BRPF3: variants seen among roughly 807,000 people sequenced by gnomAD.
BRPF3 encodes bromodomain and PHD finger containing 3.
In BRPF3, 18 loss-of-function variants were observed where a neutral mutation model predicts 102.0. The observed-to-expected ratio is 0.18, with a 90% CI of 0.12 to 0.26. BRPF3 has a LOEUF of 0.26. Ranked by LOEUF, BRPF3 falls within the 10% of genes least tolerant of loss-of-function variation. BRPF3 has a pLI of 1.00. For synonymous variants in BRPF3, 570 were observed against 614.2 expected, an observed-to-expected ratio of 0.93 and a Z score of 1.06; for missense variants, 1,147 against 1,567.8, an observed-to-expected ratio of 0.73 and a Z score of 4.53.
intron 4 of BRPF3, among the ~76,000 whole-genome samples, chr6:36,207,905 A>G (rs896361612): frequency 2.6e-5 from 4 of 152,228 alleles, no homozygotes; most frequent in Non-Finnish European, 5.9e-5. Context: ...GCCCTTGAGC[A>G]TAGGAAATGT....
Position 36,214,362 on chromosome 6 carries a change from T to TC in BRPF3, c.2971dup (p.Gln991ProfsTer21), listed in dbSNP as rs1303912265. On this transcript the variant is annotated frameshift_variant, in exon 8 of 13. Transcript: ENST00000357641. LOFTEE classifies it high-confidence loss of function. ...CTGTAGTGAGAGCGAAGGGGAGAGG[T>TC]CCCCCCAGCAGGAGGAAGAGACAGG... 6.3e-7 allele frequency: 1 copy of TC among 1,594,018 alleles called. No homozygotes were observed. Among genetic ancestry groups the TC allele is most frequent in the Admixed American group, 1.7e-5 (1 of 57,896 alleles).
intron 4 of BRPF3, 31 bp from the exon 5 acceptor site, chr6:36,209,756 C>T (rs1172649331): frequency 1.2e-6 from 2 of 1,605,850 alleles, no homozygotes; most frequent in South Asian, 2.2e-5. Flanking sequence ...AGGGGATGTT[C>T]TGATCTGATC....
chr6:36,213,569 G>C (rs1462336101), intron 7 of BRPF3, among the ~76,000 whole-genome samples: 1 of 152,058 alleles, frequency 6.6e-6, no homozygotes, highest in Non-Finnish European at 1.5e-5. Flanking sequence ...CAAGTGTGGT[G>C]GTGTGTGCTT....
rs1188462793 is a variant in BRPF3 at position 36,207,443 on chromosome 6, A to G, written c.1736A>G (p.Gln579Arg). 6.2e-7 allele frequency: 1 copy of G among 1,613,948 alleles called. No homozygotes were observed. Among genetic ancestry groups the G allele is most frequent in the Non-Finnish European group, 8.5e-7 (1 of 1,179,878 alleles). ...AAGAGAGAGAAGCTCAAACGAGAGC[A>G]GGTAAGGAGGAGCCCCCAGCCCTAG... Reference protein sequence around the residue: ...IRKREKLKREQVKVQQAAMEL... With the variant: ...IRKREKLKRERVKVQQAAMEL... The change falls in exon 4 of 13, where the codon CAG becomes CGG. Residue 579 changes from glutamine to arginine, a missense_variant and splice_region_variant. By Grantham distance (43) the Gln-to-Arg change is conservative (BLOSUM62 1). Coordinates refer to ENST00000357641, the MANE Select transcript of BRPF3 (RefSeq NM_015695.3).
chr6:36,226,830 C>T (rs1768756362), intron 11 of BRPF3, among the ~76,000 whole-genome samples: 1 of 152,262 alleles, frequency 6.6e-6, no homozygotes, highest in African/African-American at 2.4e-5. Context: ...AAAATCCATA[C>T]TGTGACCTAG....
Position 36,214,272 on chromosome 6 carries a change from T to G in BRPF3, c.2875T>G (p.Ser959Ala). 6.2e-7 allele frequency: 1 copy of G among 1,612,906 alleles called. No individual in the cohort carries two copies. Among genetic ancestry groups the G allele is most frequent in the Non-Finnish European group, 8.5e-7 (1 of 1,179,846 alleles). ...ENGEDHGVAG[S>A]PASPASIEEE... Reference sequence around the variant, plus strand: ...TGGCGAGGACCATGGTGTGGCAGGCTCTCCTGCCTCTCCAGCCAGCATCGA... The same window carrying G: ...TGGCGAGGACCATGGTGTGGCAGGCGCTCCTGCCTCTCCAGCCAGCATCGA... Residue 959 changes from serine to alanine, a missense_variant, in exon 8 of 13, where the codon TCT (serine) becomes GCT (alanine). This residue lies in a region of BRPF3 where 379 missense variants were observed against 426.3 expected (regional missense o/e 0.89). Transcript: ENST00000357641.
At chr6:36,225,808 C>T (rs1768721319) in intron 11 of BRPF3, among the ~76,000 whole-genome samples, 1 of 152,114 alleles carries the variant, frequency 6.6e-6, no homozygotes, top group Non-Finnish European at 1.5e-5. Context: ...GAGCCCAGGG[C>T]TTAAAATGTG....
At position 36,210,543 on chromosome 6, in the gene BRPF3, T is replaced by C; in HGVS notation, c.2179+15T>C. Reference sequence around the variant, plus strand: ...CTGGGAAGACGGTGAGAGGCCTGGATGGGTGGGGAGGAGAGGGGCCAGGAG... The same window carrying C: ...CTGGGAAGACGGTGAGAGGCCTGGACGGGTGGGGAGGAGAGGGGCCAGGAG... On this transcript the variant is annotated intron_variant, in intron 6 of 12. Coordinates refer to ENST00000357641, the MANE Select transcript of BRPF3 (RefSeq NM_015695.3). The surrounding 1 kb of genome is among the most constrained non-coding windows in gnomAD (Gnocchi z 4.7). The C allele has an allele frequency of 6.4e-7, 1 of 1,571,186 alleles. No individual in the cohort carries two copies. Among genetic ancestry groups the C allele is most frequent in the Non-Finnish European group, 8.6e-7 (1 of 1,165,494 alleles).
chr6:36,226,870 T>G (rs1195922955), intron 11 of BRPF3, among the ~76,000 whole-genome samples: 1 of 152,260 alleles, frequency 6.6e-6, no homozygotes, highest in Non-Finnish European at 1.5e-5. Context: ...TGGGGCTGCC[T>G]GCCTTCACAG....
chr6:36,229,584 C>T (rs1285887519), intron 12 of BRPF3, among the ~76,000 whole-genome samples: 4 of 152,144 alleles, frequency 2.6e-5, no homozygotes, highest in Admixed American at 6.5e-5. Flanking sequence ...AGCATGTTTC[C>T]GTCCTGAGGG....
chr6:36,221,689 T>C (rs908144839), intron 9 of BRPF3, among the ~76,000 whole-genome samples: 2 of 152,198 alleles, frequency 1.3e-5, no homozygotes, highest in Non-Finnish European at 2.9e-5. Flanking sequence ...TAAAAATGTC[T>C]TTTCTAATTA....
intron 7 of BRPF3, among the ~76,000 whole-genome samples, chr6:36,213,535 A>T (rs1017975764): frequency 6.6e-6 from 1 of 151,978 alleles, no homozygotes; most frequent in African/African-American, 2.4e-5. Context: ...CTCTACAAAA[A>T]TTTTTTTGAA....
intron 9 of BRPF3, among the ~76,000 whole-genome samples, chr6:36,220,954 G>GT (rs1156604426): frequency 6.6e-6 from 1 of 152,132 alleles, no homozygotes. Flanking sequence ...CCCACTAGGG[G>GT]TTTCTTTAAG....
rs185465590 is a variant in BRPF3 at position 36,214,484 on chromosome 6, A to C, written c.2989+98A>C. The C allele has an allele frequency of 1.5e-4, 208 of 1,352,190 alleles. 2 individuals are homozygous for C. The East Asian group carries it at 5.0e-3, about 32-fold the overall frequency. The allele number at this position is 1,352,190 out of a possible 1,614,324, so 83.8% of individuals were successfully genotyped here. A position where few individuals can be genotyped will look rare whatever the true frequency, so the allele number is the denominator to read the frequency against. On this transcript the variant is annotated intron_variant, in intron 8 of 12. Coordinates refer to ENST00000357641, the MANE Select transcript of BRPF3 (RefSeq NM_015695.3). ...CCCAATTGGCCATCTCTCTAATGGC[A>C]CCATTGGACAGCAATAGTAGCATTG...
rs1581948926 is a variant in BRPF3, at chr6:36,204,319, A to G, written c.1449-339A>G. 1.4e-5 allele frequency: 4 copies of G among 290,426 alleles called. No individual in the cohort carries two copies. The East Asian group carries it at 3.6e-4, about 26-fold the overall frequency. The allele number at this position is 290,426 out of a possible 1,614,324, so 18.0% of individuals were successfully genotyped here. On this transcript the variant is annotated intron_variant, in intron 2 of 12. Transcript: ENST00000357641. ...TGTTCCCTTTCGCTGCTTTTATAAG[A>G]GGAGGCTGGGGGTATTGAGGCATAG... is the stretch of plus-strand genomic sequence containing the variant.
intron 8 of BRPF3, among the ~76,000 whole-genome samples, chr6:36,215,630 G>A (rs1768302178): frequency 6.6e-6 from 1 of 152,236 alleles, no homozygotes; most frequent in African/African-American, 2.4e-5. Flanking sequence ...AGCTGTAGGA[G>A]TTGGGCTGAG....
chr6:36,199,912 C>T (rs1156360700), intron 1 of BRPF3, among the ~76,000 whole-genome samples: 1 of 152,046 alleles, frequency 6.6e-6, no homozygotes, highest in Non-Finnish European at 1.5e-5. Flanking sequence ...ACAAGACAAA[C>T]AAAAATTCTT....
chr6:36,198,759 A>G (rs1444376787), intron 1 of BRPF3, among the ~76,000 whole-genome samples: 1 of 152,114 alleles, frequency 6.6e-6, no homozygotes, highest in Non-Finnish European at 1.5e-5. Flanking sequence ...TGCCCACACC[A>G]TGGGGCCCTG....
At chr6:36,229,643 G>C (rs1473078753) in intron 12 of BRPF3, among the ~76,000 whole-genome samples, 1 of 152,178 alleles carries the variant, frequency 6.6e-6, no homozygotes, top group East Asian at 1.9e-4. Flanking sequence ...CTCATTTATG[G>C]TTTACAACAC....
Sources: gnomAD v4.1 joint callset for allele counts (sites outside exome capture counted in the v4.1 genomes callset) on GRCh38, gnomAD v4.1.1 for gene constraint, gnomAD v4.1.1 regional missense constraint, Gnocchi (gnomAD v3.1) non-coding constraint, MANE v1.5 for transcripts, NCBI Gene and HGNC (gene_info 2026-07-23, HGNC 2026-07-21) for gene names.